ALPK2: variants seen among roughly 807,000 people sequenced by gnomAD.
ALPK2 encodes alpha-protein kinase 2.
A neutral mutation model predicts 163.1 loss-of-function variants in ALPK2; 127 were observed. The ratio of observed to expected loss-of-function variants is 0.78; its 90% CI spans 0.67 to 0.90. ALPK2 has a LOEUF of 0.90. ALPK2 is among the 40% of genes least tolerant of loss of function. ALPK2 has a pLI of 0.00. For synonymous variants in ALPK2, 953 were observed against 959.1 expected, an observed-to-expected ratio of 0.99 and a Z score of 0.12; for missense variants, 2,360 against 2,589.6, an observed-to-expected ratio of 0.91 and a Z score of 1.92.
chr18:58,531,647 T>TA (rs1669941382), intron 5 of ALPK2, among the ~76,000 whole-genome samples: 1 of 12,542 alleles, frequency 8.0e-5, no homozygotes, highest in African/African-American at 1.1e-4. Context: ...GGTGATAAGT[T>TA]GAAAAAAAAA....
chr18:58,599,225 A>G (rs2052056572), intron 3 of ALPK2, among the ~76,000 whole-genome samples: 1 of 152,200 alleles, frequency 6.6e-6, no homozygotes, highest in South Asian at 2.1e-4. Flanking sequence ...CAAGCAGTGG[A>G]TTCTCAGAAG....
intron 4 of ALPK2, among the ~76,000 whole-genome samples, chr18:58,570,739 G>A (rs376912887): frequency 1.3e-4 from 20 of 152,276 alleles, no homozygotes; most frequent in Admixed American, 8.5e-4. Context: ...CAGGAAAGAC[G>A]GCACATCTAG....
At chr18:58,571,931 G>A (rs8094114) in intron 4 of ALPK2, among the ~76,000 whole-genome samples, 44,256 of 139,020 alleles carry the variant, frequency 0.32, 6,920 homozygotes, top group Admixed American at 0.4. Context: ...AGCCAAGATC[G>A]TGCCACTGTA....
chr18:58,551,625 G>C (rs1602213973), intron 4 of ALPK2, among the ~76,000 whole-genome samples: 1 of 152,142 alleles, frequency 6.6e-6, no homozygotes, highest in Non-Finnish European at 1.5e-5. Flanking sequence ...CCCATTTACT[G>C]TCCACAATCA....
At chr18:58,597,907 T>C (rs1384222797) in intron 3 of ALPK2, among the ~76,000 whole-genome samples, 1 of 152,222 alleles carries the variant, frequency 6.6e-6, no homozygotes, top group East Asian at 1.9e-4. Context: ...CTCTCTCTCT[T>C]TCTCTCTGTC....
rs547993631 is a variant in ALPK2 at position 58,531,234 on chromosome 18, G to T, written c.5354-1996C>A. Among the ~76,000 whole-genome samples the T allele has an allele frequency of 1.5e-4, 23 of 152,162 alleles. No individual in the cohort carries two copies. The South Asian group carries it at 4.0e-3, about 26-fold the overall frequency. Reference sequence around the variant, plus strand: ...TAATTTTTTAAAAACATTACTTAGGGTTTATTTCTTTTATAATGATCCAAG... The same window carrying T: ...TAATTTTTTAAAAACATTACTTAGGTTTTATTTCTTTTATAATGATCCAAG... On this transcript the variant is annotated intron_variant, in intron 5 of 12. Coordinates refer to ENST00000361673, the MANE Select transcript of ALPK2 (RefSeq NM_052947.4).
intron 1 of ALPK2, among the ~76,000 whole-genome samples, chr18:58,620,136 C>CA (rs1418263567): frequency 6.6e-6 from 1 of 152,104 alleles, no homozygotes; most frequent in Admixed American, 6.5e-5. Flanking sequence ...CTAAAAACTA[C>CA]AAAAATTAGC....
At chr18:58,484,751 A>ATAT (rs1332278907) in intron 12 of ALPK2, among the ~76,000 whole-genome samples, 3 of 78,124 alleles carry the variant, frequency 3.8e-5, no homozygotes, top group African/African-American at 9.7e-5. Context: ...TCAAAAAATA[A>ATAT]TATAATAATA....
At chr18:58,543,250 G>A (rs1223780803) in intron 4 of ALPK2, 2 of 651,694 alleles carry the variant, frequency 3.1e-6, no homozygotes, top group African/African-American at 3.9e-5. Flanking sequence ...GGACTTCTCA[G>A]TCTCCAGAGC....
At position 58,579,353 on chromosome 18, in the gene ALPK2, C is replaced by T. The variant is rs151068731; in HGVS notation, c.1423G>A (p.Ala475Thr). 1.8e-5 allele frequency: 29 copies of T among 1,614,204 alleles called. No homozygotes were observed. Among genetic ancestry groups the T allele is most frequent in the Middle Eastern group, 3.3e-4 (2 of 6,062 alleles). ...IQGETRDSHQ[A>T]REEFASDNLL... ...TTGTCACTGGCAAATTCCTCTCTTG[C>T]TTGGTGGCTGTCTCTGGTTTCTCCT... The change falls in exon 4 of 13, where the codon GCA becomes ACA. Residue 475 changes from alanine (A) to threonine (T), a missense_variant. Coordinates refer to ENST00000361673, the MANE Select transcript of ALPK2 (RefSeq NM_052947.4).
intron 5 of ALPK2, 37 bp from the exon 6 acceptor site, chr18:58,529,275 G>T (rs1425597086): frequency 6.4e-6 from 10 of 1,574,510 alleles, no homozygotes; most frequent in Admixed American, 5.4e-5. Context: ...TGTAACAAAA[G>T]ACTTTCCCAT....
intron 3 of ALPK2, among the ~76,000 whole-genome samples, chr18:58,605,733 TGAA>T (rs2052094753): frequency 6.6e-6 from 1 of 152,216 alleles, no homozygotes; most frequent in Non-Finnish European, 1.5e-5. Flanking sequence ...AAGGTTGGAA[TGAA>T]GAAGTAGGAA....
intron 4 of ALPK2, among the ~76,000 whole-genome samples, chr18:58,539,378 AG>A (rs2051678060): frequency 6.6e-6 from 1 of 152,214 alleles, no homozygotes; most frequent in Non-Finnish European, 1.5e-5. Flanking sequence ...GCAGAGAAAA[AG>A]AAACCTCACA....
At position 58,538,196 on chromosome 18, in the gene ALPK2, G is replaced by A. The variant is rs1272589278; in HGVS notation, c.1991C>T (p.Thr664Ile). 4.3e-6 allele frequency: 7 copies of A among 1,611,934 alleles called. No individual in the cohort carries two copies. The highest frequency in any genetic ancestry group is 5.1e-6 in the Non-Finnish European group (6 of 1,180,012). The part of the protein sequence containing the change: ...QVQVQETVRE[T>I]ISCSQMPAFS... The stretch of plus-strand genomic sequence containing the variant: ...AGCTGGCATCTGGCTGCAAGAGATT[G>A]TCTCTCTGACTGTTTCCTGAACTTG... The change falls in exon 5 of 13, where the codon ACA (threonine) becomes ATA (isoleucine). Residue 664 changes from threonine to isoleucine, a missense_variant. Transcript: ENST00000361673.
At chr18:58,499,060 G>C (rs2051417806) in intron 11 of ALPK2, among the ~76,000 whole-genome samples, 1 of 152,116 alleles carries the variant, frequency 6.6e-6, no homozygotes. Flanking sequence ...AAACAATCCT[G>C]AGTTCTATGT....
chr18:58,519,342 A>G (rs1453448708), intron 8 of ALPK2, among the ~76,000 whole-genome samples: 8 of 152,214 alleles, frequency 5.3e-5, no homozygotes, highest in Admixed American at 2.0e-4. Context: ...GGCCTCTAAT[A>G]CCACTAACAG....
chr18:58,501,847 T>C (rs2051432745), intron 11 of ALPK2, among the ~76,000 whole-genome samples: 1 of 152,056 alleles, frequency 6.6e-6, no homozygotes. Context: ...GAAATCCAAG[T>C]CAAGTTTCTA....
At position 58,542,960 on chromosome 18, in the gene ALPK2, C is replaced by T. The variant is rs889805262; in HGVS notation, c.1963-4736G>A. 5.3e-5 allele frequency among the ~76,000 whole-genome samples: 8 copies of T among 152,278 alleles called. No individual in the cohort carries two copies. The East Asian group carries it at 9.6e-4, about 18-fold the overall frequency. ...TATTGAAACTTAATCCCCAGTGTGGCAATACTGATGGGTGGGGCCTTTAAG... is the reference window on the plus strand; with the variant it reads ...TATTGAAACTTAATCCCCAGTGTGGTAATACTGATGGGTGGGGCCTTTAAG... On this transcript the variant is annotated intron_variant, in intron 4 of 12. Transcript: ENST00000361673.
At chr18:58,487,282 G>A (rs1454672293) in intron 12 of ALPK2, among the ~76,000 whole-genome samples, 2 of 152,214 alleles carry the variant, frequency 1.3e-5, no homozygotes, top group East Asian at 1.9e-4. Flanking sequence ...GGAATATCAT[G>A]TGATGTTGGA....
Sources: gnomAD v4.1 joint callset for allele counts (sites outside exome capture counted in the v4.1 genomes callset) on GRCh38, gnomAD v4.1.1 for gene constraint, MANE v1.5 for transcripts, NCBI Gene and HGNC (gene_info 2026-07-23, HGNC 2026-07-21) for gene names.